Variants in FOCAD observed in about 807,000 individuals in gnomAD.
The protein encoded by FOCAD is KIAA1797.
In FOCAD, 198 loss-of-function variants were observed where a neutral mutation model predicts 225.6. The observed-to-expected ratio is 0.88, with a 90% CI of 0.78 to 0.99. The LOEUF is 0.99. Ranked by LOEUF, FOCAD falls within the 50% of genes least tolerant of loss-of-function variation. The probability of loss-of-function intolerance (pLI) is 0.00; values close to 1 mark genes in which losing one functional copy is unlikely to be tolerated. For synonymous variants in FOCAD, 897 were observed against 755.0 expected, an observed-to-expected ratio of 1.19 and a Z score of -3.08; for missense variants, 2,713 against 2,123.6, an observed-to-expected ratio of 1.28 and a Z score of -5.46.
At chr9:20,867,120 G>T in intron 18 of FOCAD, 108 bp downstream of exon 18, 1 of 647,966 alleles carries the variant, frequency 1.5e-6, no homozygotes, top group Non-Finnish European at 2.6e-6. Flanking sequence ...CATAACCCTA[G>T]ATCTGTTGTC....
At chr9:20,826,847 G>T (rs117646702) in intron 15 of FOCAD, among the ~76,000 whole-genome samples, 2 of 151,886 alleles carry the variant, frequency 1.3e-5, no homozygotes, top group African/African-American at 4.8e-5. Context: ...TTATCATTAC[G>T]CTATGAGTTT....
chr9:20,857,785 G>GGTTTTTT (rs1554707737), intron 15 of FOCAD, among the ~76,000 whole-genome samples: 1 of 106,046 alleles, frequency 9.4e-6, no homozygotes, highest in African/African-American at 3.0e-5. Flanking sequence ...TTTTTTTTGA[G>GGTTTTTT]TTTTTTTTTT....
At chr9:20,757,223 C>T (rs922542159) in intron 5 of FOCAD, among the ~76,000 whole-genome samples, 1 of 152,232 alleles carries the variant, frequency 6.6e-6, no homozygotes, top group East Asian at 1.9e-4. Context: ...GCCACCGCGT[C>T]CAGCCTTAAA....
chr9:20,698,221 C>T (rs1331765903), intron 1 of FOCAD, among the ~76,000 whole-genome samples: 1 of 151,998 alleles, frequency 6.6e-6, no homozygotes, highest in Non-Finnish European at 1.5e-5. Context: ...TTAAAAGTAG[C>T]AAAGGCGGAA....
At chr9:20,820,244 G>A (rs1334364038) in intron 12 of FOCAD, 80 bp from the exon 13 acceptor site, 3 of 933,880 alleles carry the variant, frequency 3.2e-6, no homozygotes, top group East Asian at 2.6e-5. Flanking sequence ...TTATAACAAG[G>A]GGTTTAAAAA....
chr9:20,745,560 T>G (rs999341600), intron 5 of FOCAD, among the ~76,000 whole-genome samples: 1 of 152,222 alleles, frequency 6.6e-6, no homozygotes, highest in Non-Finnish European at 1.5e-5. Flanking sequence ...AATTTTATCA[T>G]GTGCTTTTGC....
At position 20,874,775 on chromosome 9, in the gene FOCAD, T is replaced by G; in HGVS notation, c.2285T>G (p.Leu762Arg). The G allele has an allele frequency of 1.9e-6, 3 of 1,613,714 alleles. No homozygotes were observed. The highest frequency in any genetic ancestry group is 2.5e-6 in the Non-Finnish European group (3 of 1,179,730). ...GTTCCTGGCTCTTGCTATCTCAAAC[T>G]GTTGTCACTCACTCCCCCTTTGGTT... ...LSVPGSCYLK[L>R]LSLTPPLVLP... The change falls in exon 19 of 44, where the codon CTG becomes CGG. Residue 762 changes from leucine to arginine, a missense_variant. Leu to Arg is a moderately radical substitution (Grantham distance 102). Transcript: ENST00000338382.
intron 2 of FOCAD, chr9:20,716,056 C>G (rs776394514): frequency 2.4e-6 from 1 of 418,018 alleles, no homozygotes; most frequent in Admixed American, 2.0e-5. Flanking sequence ...CAACATACAG[C>G]ACCTTGGATA....
intron 15 of FOCAD, among the ~76,000 whole-genome samples, chr9:20,829,649 G>A (rs1825286953): frequency 6.6e-6 from 1 of 152,040 alleles, no homozygotes. Flanking sequence ...ATGCCTCTAA[G>A]TAAGAGATAC....
intron 21 of FOCAD, 84 bp downstream of exon 21, chr9:20,885,314 T>G (rs888690900): frequency 4.7e-6 from 6 of 1,272,870 alleles, no homozygotes; most frequent in Non-Finnish European, 6.0e-6. Context: ...TAGAAATAAT[T>G]TTTTTGATCA....
At chr9:20,837,346 A>T (rs1443126337) in intron 15 of FOCAD, among the ~76,000 whole-genome samples, 1 of 152,066 alleles carries the variant, frequency 6.6e-6, no homozygotes, top group Non-Finnish European at 1.5e-5. Context: ...TAAAAGATCA[A>T]ACAAGCTGGA....
chr9:20,679,115 C>CTG (rs1221269261), intron 2 of FOCAD, among the ~76,000 whole-genome samples: 34 of 93,046 alleles, frequency 3.7e-4, no homozygotes, highest in African/African-American at 4.1e-4. Flanking sequence ...AACAGACAGT[C>CTG]TGTGTATGTG....
chr9:20,677,040 C>T (rs115897353), intron 2 of FOCAD, among the ~76,000 whole-genome samples: 3,886 of 152,192 alleles, frequency 0.026, 173 homozygotes, highest in African/African-American at 0.09. Flanking sequence ...TAAAAATATA[C>T]AGATAGGCCA....
chr9:20,830,021 G>C (rs553241146), intron 15 of FOCAD, among the ~76,000 whole-genome samples: 1 of 152,122 alleles, frequency 6.6e-6, no homozygotes, highest in South Asian at 2.1e-4. Flanking sequence ...TTGAATAATT[G>C]CCCAAATTCA....
At chr9:20,939,150 C>CAAAAA (rs565280892) in intron 28 of FOCAD, among the ~76,000 whole-genome samples, 7 of 72,488 alleles carry the variant, frequency 9.7e-5, no homozygotes, top group East Asian at 3.6e-4. Flanking sequence ...ACTCTCTTCT[C>CAAAAA]AAAAAAAAAA....
At chr9:20,854,327 A>G (rs1429508099) in intron 15 of FOCAD, among the ~76,000 whole-genome samples, 1 of 151,794 alleles carries the variant, frequency 6.6e-6, no homozygotes, top group African/African-American at 2.4e-5. Flanking sequence ...TATAACAACA[A>G]TAACTATATT....
intron 21 of FOCAD, among the ~76,000 whole-genome samples, chr9:20,896,030 G>C (rs559260117): frequency 1.6e-4 from 24 of 151,788 alleles, no homozygotes; most frequent in Non-Finnish European, 2.8e-4. Flanking sequence ...ATCAAGTTGA[G>C]GAAGTTCTTT....
chr9:20,926,150 T>C (rs1392108621), intron 25 of FOCAD, 151 bp from the exon 26 acceptor site: 3 of 582,820 alleles, frequency 5.1e-6, no homozygotes, highest in Non-Finnish European at 9.2e-6. Flanking sequence ...GTATACCTCA[T>C]ACGTGCATGC....
intron 35 of FOCAD, among the ~76,000 whole-genome samples, chr9:20,968,707 G>C (rs1169260638): frequency 6.6e-6 from 1 of 151,764 alleles, no homozygotes; most frequent in Non-Finnish European, 1.5e-5. Context: ...CCAAAGTATT[G>C]GGATTACAGG....
Sources: allele counts gnomAD v4.1 joint callset (sites outside exome capture counted in the v4.1 genomes callset), GRCh38; gene constraint gnomAD v4.1.1; transcripts MANE v1.5; gene names NCBI Gene and HGNC (gene_info 2026-07-23, HGNC 2026-07-21).